Variants in FOXP2 observed in about 807,000 individuals in gnomAD.
FOXP2 encodes the protein forkhead box protein P2.
Under a neutral mutation model 115.8 loss-of-function variants are expected in FOXP2, and 12 were observed. The observed-to-expected ratio is 0.10, with a 90% confidence interval of 0.07 to 0.17. The LOEUF is 0.17. Among genes scored for constraint, FOXP2 ranks in the 10% least tolerant of loss-of-function variants. The pLI, the probability that FOXP2 is intolerant of heterozygous loss-of-function variation, is 1.00. For missense variants in FOXP2, 629 were observed against 843.5 expected (o/e 0.75, Z 3.15); for synonymous variants, 328 against 297.7 (o/e 1.10, Z -1.05).
At chr7:114,583,097 C>A (rs1035962036) in intron 3 of FOXP2, among the ~76,000 whole-genome samples, 5 of 152,074 alleles carry the variant, frequency 3.3e-5, no homozygotes, top group African/African-American at 9.7e-5. Flanking sequence ...CTTTGCTTTG[C>A]CCAGGCGTGG....
At chr7:114,558,986 A>AT (rs1800610817) in intron 3 of FOXP2, among the ~76,000 whole-genome samples, 1 of 151,806 alleles carries the variant, frequency 6.6e-6, no homozygotes, top group African/African-American at 2.4e-5. Flanking sequence ...TATATGTTAA[A>AT]TTTTTTTCTT....
At chr7:114,161,817 C>T (rs768781415), upstream of FOXP2, among the ~76,000 whole-genome samples, 7 of 152,030 alleles carry the variant, frequency 4.6e-5, no homozygotes, top group Non-Finnish European at 7.4e-5. Flanking sequence ...CACTCTGTTG[C>T]CCAGGCTGGA....
intron 8 of FOXP2, among the ~76,000 whole-genome samples, chr7:114,649,962 ACAT>A (rs1165319079): frequency 6.6e-6 from 1 of 152,132 alleles, no homozygotes; most frequent in East Asian, 1.9e-4. Flanking sequence ...TCATTACTGA[ACAT>A]CACAACACTT....
chr7:114,602,124 C>T (rs1244482369), intron 3 of FOXP2, among the ~76,000 whole-genome samples: 1 of 151,904 alleles, frequency 6.6e-6, no homozygotes, highest in East Asian at 1.9e-4. Flanking sequence ...TTTTTCCTTT[C>T]AGTTGTGTAA....
chr7:114,590,038 A>G (rs1802366522), intron 3 of FOXP2, among the ~76,000 whole-genome samples: 1 of 152,148 alleles, frequency 6.6e-6, no homozygotes, highest in South Asian at 2.1e-4. Flanking sequence ...TTTAAATTAC[A>G]GTAATGTAAG....
chr7:114,539,879 G>A (rs1030233599), intron 3 of FOXP2, among the ~76,000 whole-genome samples: 1 of 151,954 alleles, frequency 6.6e-6, no homozygotes, highest in Non-Finnish European at 1.5e-5. Flanking sequence ...TCTGAAGCCT[G>A]CCCTTGCCAT....
At chr7:114,123,426 G>A (rs966698682) in intron 1 of FOXP2, among the ~76,000 whole-genome samples, 1 of 151,274 alleles carries the variant, frequency 6.6e-6, no homozygotes, top group Non-Finnish European at 1.5e-5. Context: ...GCCACTTTTT[G>A]TGTGGTCAAC....
intron 1 of FOXP2, among the ~76,000 whole-genome samples, chr7:114,095,001 G>A (rs755985604): frequency 3.3e-5 from 5 of 152,000 alleles, no homozygotes; most frequent in East Asian, 1.9e-4. Flanking sequence ...TCCTTGTTGC[G>A]AGTAGGAAAT....
intron 2 of FOXP2, among the ~76,000 whole-genome samples, chr7:114,482,594 T>C (rs1796606883): frequency 6.6e-6 from 1 of 151,588 alleles, no homozygotes; most frequent in Admixed American, 6.6e-5. Context: ...TTTCCATCTT[T>C]TGGAAAATTT....
At chr7:114,199,928 T>C (rs887489793) in intron 1 of FOXP2, among the ~76,000 whole-genome samples, 2 of 152,210 alleles carry the variant, frequency 1.3e-5, no homozygotes, top group African/African-American at 4.8e-5. Flanking sequence ...CTTCTCTTGG[T>C]AAAACTTTTT....
upstream of FOXP2, among the ~76,000 whole-genome samples, chr7:114,162,508 C>T (rs1325869869): frequency 6.6e-6 from 1 of 151,872 alleles, no homozygotes; most frequent in Non-Finnish European, 1.5e-5. Context: ...TTTTTAAAAA[C>T]ATTTTTTCCT....
At chr7:114,097,123 A>G (rs977824638) in intron 1 of FOXP2, among the ~76,000 whole-genome samples, 5 of 152,208 alleles carry the variant, frequency 3.3e-5, no homozygotes, top group African/African-American at 1.2e-4. Context: ...AAGCACTTTC[A>G]TCATTTTTTA....
intron 3 of FOXP2, among the ~76,000 whole-genome samples, chr7:114,627,253 T>G (rs1306569647): frequency 6.6e-6 from 1 of 151,882 alleles, no homozygotes; most frequent in Non-Finnish European, 1.5e-5. Flanking sequence ...AAAATAACAA[T>G]TAAAATAAGT....
intron 2 of FOXP2, among the ~76,000 whole-genome samples, chr7:114,341,359 G>A (rs1053948351): frequency 6.6e-6 from 1 of 151,116 alleles, no homozygotes; most frequent in African/African-American, 2.4e-5. Flanking sequence ...TGTCTGACAT[G>A]TAGCAAAAAC....
intron 1 of FOXP2, among the ~76,000 whole-genome samples, chr7:114,118,615 T>C (rs562455469): frequency 1.3e-5 from 2 of 152,240 alleles, no homozygotes; most frequent in Admixed American, 1.3e-4. Context: ...TAGTTTTTAA[T>C]TGGCTACAGG....
intron 2 of FOXP2, among the ~76,000 whole-genome samples, chr7:114,472,337 T>C (rs970571644): frequency 6.6e-6 from 1 of 151,898 alleles, no homozygotes; most frequent in Non-Finnish European, 1.5e-5. Flanking sequence ...CCTCCTGTTT[T>C]ATAAATTCTT....
chr7:114,396,116 C>G (rs912479439), intron 2 of FOXP2, among the ~76,000 whole-genome samples: 1 of 151,864 alleles, frequency 6.6e-6, no homozygotes, highest in African/African-American at 2.4e-5. Flanking sequence ...TTTATTATTT[C>G]TATTTTTTTT....
At position 114,415,336 on chromosome 7, in the gene FOXP2, G is replaced by A. The variant is rs781351502; in HGVS notation, c.-35G>A. On this transcript the variant is annotated 5_prime_UTR_variant, in exon 1 of 17. Coordinates refer to ENST00000350908, the MANE Select transcript of FOXP2 (RefSeq NM_014491.4). Reference sequence around the variant, plus strand: ...ACTCCTATGAAGTTGAAACCGGGAAGTTTGCTCTAACATTTCCAGAGAAGG... The same window carrying A: ...ACTCCTATGAAGTTGAAACCGGGAAATTTGCTCTAACATTTCCAGAGAAGG... 4.0e-5 allele frequency: 18 copies of A among 452,194 alleles called. No individual in the cohort carries two copies. The highest frequency in any genetic ancestry group is 5.7e-5 in the Non-Finnish European group (13 of 226,300). 28.0% of individuals were successfully genotyped at this position (452,194 alleles called of 1,614,324 possible).
chr7:114,101,905 G>GTGTT (rs1790976451), intron 1 of FOXP2, among the ~76,000 whole-genome samples: 2 of 120,108 alleles, frequency 1.7e-5, no homozygotes, highest in Admixed American at 7.6e-5. Context: ...CATTTTGTGT[G>GTGTT]TGTGTGTGTG....
Sources: gnomAD v4.1 joint callset for allele counts (sites outside exome capture counted in the v4.1 genomes callset) on GRCh38, gnomAD v4.1.1 for gene constraint, MANE v1.5 for transcripts, NCBI Gene and HGNC (gene_info 2026-07-23, HGNC 2026-07-21) for gene names.